FAR2: variants seen among roughly 807,000 people sequenced by gnomAD.
FAR2 encodes the protein fatty acyl-CoA reductase 2, also known as epididymis secretory protein Li 81.
A neutral mutation model predicts 56.0 loss-of-function variants in FAR2; 19 were observed. The ratio of observed to expected loss-of-function variants is 0.34; its 90% CI spans 0.24 to 0.50. FAR2 has a LOEUF of 0.50. Among genes scored for constraint, FAR2 ranks in the 20% least tolerant of loss-of-function variants. The probability of loss-of-function intolerance (pLI) is 0.98; values close to 1 mark genes in which losing one functional copy is unlikely to be tolerated. For synonymous variants in FAR2, 219 were observed against 218.8 expected (o/e 1.00, Z -0.01); for missense variants, 508 against 642.2 (o/e 0.79, Z 2.26).
At chr12:29,153,134 G>A (rs1358518923) in intron 1 of FAR2, among the ~76,000 whole-genome samples, 1 of 152,186 alleles carries the variant, frequency 6.6e-6, no homozygotes, top group Non-Finnish European at 1.5e-5. Context: ...CAAAGCAGAT[G>A]TGTTCCCTAT....
At chr12:29,273,927 G>A (rs544503256) in intron 2 of FAR2, among the ~76,000 whole-genome samples, 56 of 151,662 alleles carry the variant, frequency 3.7e-4, no homozygotes, top group Non-Finnish European at 6.6e-4. Flanking sequence ...GTGGGCCACC[G>A]CACCACACTG....
At chr12:29,306,352 T>C (rs920863835) in intron 4 of FAR2, among the ~76,000 whole-genome samples, 1 of 152,192 alleles carries the variant, frequency 6.6e-6, no homozygotes, top group African/African-American at 2.4e-5. Context: ...GGAAACATTA[T>C]AGTCGATGCC....
chr12:29,330,214 G>T (rs1405926996), intron 10 of FAR2, among the ~76,000 whole-genome samples: 2 of 151,982 alleles, frequency 1.3e-5, no homozygotes, highest in Non-Finnish European at 2.9e-5. Flanking sequence ...ATGCCACGAC[G>T]CCTGGCTAAT....
chr12:29,260,454 C>T (rs1948397978), intron 1 of FAR2, among the ~76,000 whole-genome samples: 1 of 152,156 alleles, frequency 6.6e-6, no homozygotes, highest in Non-Finnish European at 1.5e-5. Context: ...GTTTTCCTGT[C>T]AAAGCACTCA....
chr12:29,281,539 C>T (rs2136726106), intron 2 of FAR2: 1 of 152,268 alleles, frequency 6.6e-6, no homozygotes, highest in South Asian at 2.1e-4. Flanking sequence ...CTTCATAACT[C>T]ATTCTGCAAG....
chr12:29,310,923 T>C (rs941038422), intron 6 of FAR2, 105 bp from the exon 7 acceptor site: 39 of 820,340 alleles, frequency 4.8e-5, no homozygotes, highest in Non-Finnish European at 8.1e-5. Context: ...CAATGTTAGC[T>C]GTTTTCACTT....
intron 2 of FAR2, among the ~76,000 whole-genome samples, chr12:29,283,667 G>GA (rs1948822816): frequency 6.6e-6 from 1 of 152,060 alleles, no homozygotes; most frequent in South Asian, 2.1e-4. Flanking sequence ...TTATCATCTA[G>GA]TTTTTCATAA....
At chr12:29,298,507 T>C (rs1591943943) in intron 4 of FAR2, among the ~76,000 whole-genome samples, 2 of 152,176 alleles carry the variant, frequency 1.3e-5, no homozygotes, top group East Asian at 1.9e-4. Flanking sequence ...TTGTCTGTCA[T>C]GTAAAAATAT....
intron 1 of FAR2, among the ~76,000 whole-genome samples, chr12:29,217,345 C>A (rs1947634363): frequency 6.6e-6 from 1 of 152,174 alleles, no homozygotes; most frequent in South Asian, 2.1e-4. Flanking sequence ...TCTTAGCTGG[C>A]ATGACAGATT....
chr12:29,192,100 C>T (rs1284536125), intron 1 of FAR2, among the ~76,000 whole-genome samples: 3 of 152,208 alleles, frequency 2.0e-5, no homozygotes, highest in Non-Finnish European at 2.9e-5. Flanking sequence ...AGAAAAATAG[C>T]TATGGCCCAG....
chr12:29,203,807 G>C (rs932049908), intron 1 of FAR2, among the ~76,000 whole-genome samples: 27 of 151,798 alleles, frequency 1.8e-4, no homozygotes, highest in Non-Finnish European at 3.7e-4. Context: ...AGACCATCCT[G>C]GCTAACACAG....
chr12:29,157,148 A>G lies in FAR2; in HGVS notation c.-39+7741A>G, dbSNP rs1275383271. 2.9e-5 allele frequency among the ~76,000 whole-genome samples: 4 copies of G among 139,070 alleles called. No individual in the cohort carries two copies. In the East Asian group the frequency reaches 8.5e-4, roughly 30 times the overall value. The allele number at this position is 139,070 out of a possible 152,430, so 91.2% of individuals were successfully genotyped here. On this transcript the variant is annotated intron_variant, in intron 1 of 11. Transcript: ENST00000536681. Reference sequence around the variant, plus strand: ...TATATATATATATATATATATATGTATCAATGTGATTAAACAATGCAATTA... The same window carrying G: ...TATATATATATATATATATATATGTGTCAATGTGATTAAACAATGCAATTA...
intron 3 of FAR2, among the ~76,000 whole-genome samples, chr12:29,295,050 A>G (rs1405746355): frequency 6.6e-6 from 1 of 152,122 alleles, no homozygotes; most frequent in Non-Finnish European, 1.5e-5. Context: ...TTTCTATTAT[A>G]TTAGAGCAAG....
intron 2 of FAR2, among the ~76,000 whole-genome samples, chr12:29,272,925 C>T (rs1948642643): frequency 6.6e-6 from 1 of 151,984 alleles, no homozygotes; most frequent in South Asian, 2.1e-4. Context: ...GTTTGCTGGG[C>T]ATTCGCTTCA....
intron 3 of FAR2, among the ~76,000 whole-genome samples, chr12:29,296,259 C>A (rs572633380): frequency 6.6e-6 from 1 of 152,108 alleles, no homozygotes. Context: ...GACTTCAGAA[C>A]AATGTTAAGT....
intron 1 of FAR2, among the ~76,000 whole-genome samples, chr12:29,174,861 G>A (rs980871733): frequency 5.3e-5 from 8 of 152,224 alleles, no homozygotes; most frequent in Admixed American, 2.0e-4. Flanking sequence ...GTGACTTTGA[G>A]AGTTCCACTC....
At chr12:29,234,794 G>A (rs1412552491) in intron 1 of FAR2, among the ~76,000 whole-genome samples, 1 of 152,132 alleles carries the variant, frequency 6.6e-6, no homozygotes, top group Non-Finnish European at 1.5e-5. Context: ...ATGCAGTTCA[G>A]ATACTCTCTC....
intron 1 of FAR2, among the ~76,000 whole-genome samples, chr12:29,242,739 AG>A (rs1438346590): frequency 6.6e-6 from 1 of 152,208 alleles, no homozygotes; most frequent in Non-Finnish European, 1.5e-5. Context: ...ATGACAGAGT[AG>A]GTATGGCAGA....
chr12:29,210,738 G>A (rs1243204776), intron 1 of FAR2, among the ~76,000 whole-genome samples: 2 of 152,170 alleles, frequency 1.3e-5, no homozygotes, highest in East Asian at 1.9e-4. Flanking sequence ...CAGATCATGA[G>A]GTCAGAAGTT....
Sources: allele counts gnomAD v4.1 joint callset (sites outside exome capture counted in the v4.1 genomes callset), GRCh38; gene constraint gnomAD v4.1.1; transcripts MANE v1.5; gene names NCBI Gene and HGNC (gene_info 2026-07-23, HGNC 2026-07-21).